CNTNAP5: variants seen among roughly 807,000 people sequenced by gnomAD.
CNTNAP5 encodes contactin-associated protein-like 5.
In CNTNAP5, 72 loss-of-function variants were observed where a neutral mutation model predicts 150.2. That is an observed-to-expected ratio of 0.48 (90% confidence interval 0.40 to 0.58). The LOEUF (loss-of-function observed/expected upper bound fraction) is 0.58, where lower values mean the gene tolerates loss of function less well. CNTNAP5 is among the 20% of genes least tolerant of loss of function. The pLI, the probability that CNTNAP5 is intolerant of heterozygous loss-of-function variation, is 0.00. For missense variants in CNTNAP5, 1,636 were observed against 1,626.2 expected, an observed-to-expected ratio of 1.01 and a Z score of -0.10; for synonymous variants, 672 against 619.8, an observed-to-expected ratio of 1.08 and a Z score of -1.25.
chr2:124,736,740 T>G (rs1680390434), intron 13 of CNTNAP5, among the ~76,000 whole-genome samples: 1 of 152,228 alleles, frequency 6.6e-6, no homozygotes, highest in African/African-American at 2.4e-5. Flanking sequence ...CATAATCATA[T>G]ATATTTCTGC....
chr2:124,462,177 G>C (rs1341922225), intron 6 of CNTNAP5, among the ~76,000 whole-genome samples: 4 of 152,002 alleles, frequency 2.6e-5, no homozygotes, highest in African/African-American at 4.8e-5. Context: ...GCCCAGGTCT[G>C]TGTGACCATT....
chr2:124,433,185 G>A (rs1028089030), intron 4 of CNTNAP5, among the ~76,000 whole-genome samples: 2 of 152,164 alleles, frequency 1.3e-5, no homozygotes, highest in Admixed American at 1.3e-4. Context: ...TTTGGTCTGG[G>A]TGGAATCCTA....
intron 3 of CNTNAP5, among the ~76,000 whole-genome samples, chr2:124,276,181 C>T (rs888520095): frequency 1.3e-5 from 2 of 152,048 alleles, no homozygotes; most frequent in Admixed American, 1.3e-4. Context: ...AGATTTTCCC[C>T]ATGAACTTAG....
At position 124,917,244 on chromosome 2, in the gene CNTNAP5, G is replaced by T. The variant is rs1378560666; in HGVS notation, c.*2956G>T. On this transcript the variant is annotated 3_prime_UTR_variant, in exon 24 of 24. Coordinates refer to ENST00000682447, the MANE Select transcript of CNTNAP5 (RefSeq NM_001367498.1). Reference sequence around the variant, plus strand: ...ACTGCTGTTTACAAAAAGATCTTATGGAATATGGATCACTTTACAGTAAAG... The same window carrying T: ...ACTGCTGTTTACAAAAAGATCTTATTGAATATGGATCACTTTACAGTAAAG... Among the ~76,000 whole-genome samples the T allele has an allele frequency of 6.6e-6, 1 of 151,850 alleles. No individual in the cohort carries two copies. Among genetic ancestry groups the T allele is most frequent in the Non-Finnish European group, 1.5e-5 (1 of 67,954 alleles).
chr2:124,106,754 C>CAT (rs2104701784), intron 1 of CNTNAP5, among the ~76,000 whole-genome samples: 1 of 152,264 alleles, frequency 6.6e-6, no homozygotes, highest in South Asian at 2.1e-4. Flanking sequence ...TGGAAACCCC[C>CAT]ATATATATAG....
rs561060080 is a variant in CNTNAP5, at chr2:124,560,059, A to G, written c.1650-3158A>G. On this transcript the variant is annotated intron_variant, in intron 10 of 23. Coordinates refer to ENST00000682447, the MANE Select transcript of CNTNAP5 (RefSeq NM_001367498.1). ...AAGTTAATAAAGATGTAGTTTCTACATTTTTATGGTAAATTGAGTTTATCA... is the reference window on the plus strand; with the variant it reads ...AAGTTAATAAAGATGTAGTTTCTACGTTTTTATGGTAAATTGAGTTTATCA... Among the ~76,000 whole-genome samples the G allele has an allele frequency of 6.9e-4, 105 of 152,298 alleles. 1 individual carries two copies. The South Asian group carries it at 9.5e-3, about 14-fold the overall frequency.
intron 1 of CNTNAP5, among the ~76,000 whole-genome samples, chr2:124,088,660 C>G (rs1682750325): frequency 6.6e-6 from 1 of 151,894 alleles, no homozygotes; most frequent in East Asian, 1.9e-4. Flanking sequence ...TCCAAGCATT[C>G]TATTCAGTCT....
At chr2:124,105,709 G>A (rs1386878045) in intron 1 of CNTNAP5, among the ~76,000 whole-genome samples, 4 of 151,832 alleles carry the variant, frequency 2.6e-5, no homozygotes, top group African/African-American at 9.7e-5. Flanking sequence ...TTAACATATT[G>A]TGGTAGTTTT....
chr2:124,034,526 A>G (rs771485519), intron 1 of CNTNAP5, among the ~76,000 whole-genome samples: 1 of 152,178 alleles, frequency 6.6e-6, no homozygotes, highest in Non-Finnish European at 1.5e-5. Flanking sequence ...TGGATCCCTC[A>G]CTTAGTTCCT....
intron 1 of CNTNAP5, among the ~76,000 whole-genome samples, chr2:124,205,600 G>A (rs576099280): frequency 9.1e-4 from 138 of 152,054 alleles, no homozygotes; most frequent in Non-Finnish European, 1.5e-3. Flanking sequence ...TGTATTTTTA[G>A]TAGAGATGGG....
At position 124,510,477 on chromosome 2, in the gene CNTNAP5, G is replaced by GTATATATATA. The variant is rs70996072; in HGVS notation, c.1327+5954_1327+5963dup. 2.5e-4 allele frequency among the ~76,000 whole-genome samples: 26 copies of GTATATATATA among 102,558 alleles called. 1 individual carries two copies. The highest frequency in any genetic ancestry group is 7.6e-4 in the South Asian group (2 of 2,634). 67.3% of individuals were successfully genotyped at this position (102,558 alleles called of 152,430 possible). ...ACAAAAAAGTAAATTTTATGTATGT[G>GTATATATATA]TATATATATATATATATATATATAT... On this transcript the variant is annotated intron_variant, in intron 8 of 23. Coordinates refer to ENST00000682447, the MANE Select transcript of CNTNAP5 (RefSeq NM_001367498.1).
chr2:124,162,853 C>T (rs1684718527), intron 1 of CNTNAP5, among the ~76,000 whole-genome samples: 1 of 151,992 alleles, frequency 6.6e-6, no homozygotes, highest in Admixed American at 6.6e-5. Context: ...TTTATGCATG[C>T]CACCATGATT....
chr2:124,276,452 A>C (rs1687885290), intron 3 of CNTNAP5, among the ~76,000 whole-genome samples: 1 of 152,194 alleles, frequency 6.6e-6, no homozygotes. Flanking sequence ...GCATTTTTAC[A>C]ACTATGTCCC....
At chr2:124,281,206 C>A (rs2104623154) in intron 3 of CNTNAP5, among the ~76,000 whole-genome samples, 1 of 152,098 alleles carries the variant, frequency 6.6e-6, no homozygotes, top group Middle Eastern at 3.4e-3. Flanking sequence ...AGAATAAATA[C>A]AAAGGAAAAA....
intron 19 of CNTNAP5, among the ~76,000 whole-genome samples, chr2:124,847,768 CGAG>C (rs948918903): frequency 6.6e-5 from 10 of 152,204 alleles, no homozygotes; most frequent in African/African-American, 2.4e-4. Context: ...TCTTAATTCT[CGAG>C]AATATTCTCT....
At chr2:124,848,130 C>A (rs1001574078) in intron 19 of CNTNAP5, among the ~76,000 whole-genome samples, 5 of 152,114 alleles carry the variant, frequency 3.3e-5, no homozygotes, top group Non-Finnish European at 7.3e-5. Flanking sequence ...CATTAGATTG[C>A]CTGAACTTGT....
intron 13 of CNTNAP5, among the ~76,000 whole-genome samples, chr2:124,670,382 T>C (rs919381437): frequency 3.3e-5 from 5 of 152,110 alleles, no homozygotes; most frequent in African/African-American, 1.2e-4. Flanking sequence ...TGTGGAAAAA[T>C]GTCTACTCAG....
chr2:124,355,582 T>C (rs1263540051), intron 3 of CNTNAP5, among the ~76,000 whole-genome samples: 4 of 152,170 alleles, frequency 2.6e-5, no homozygotes, highest in Admixed American at 6.5e-5. Flanking sequence ...GTGACTTTCC[T>C]TTACTTCATT....
intron 3 of CNTNAP5, among the ~76,000 whole-genome samples, chr2:124,392,316 T>C (rs1691135327): frequency 6.6e-6 from 1 of 152,122 alleles, no homozygotes; most frequent in Non-Finnish European, 1.5e-5. Flanking sequence ...CCCATGATGA[T>C]GGAAAGAAAT....
Sources: allele counts gnomAD v4.1 joint callset (sites outside exome capture counted in the v4.1 genomes callset), GRCh38; gene constraint gnomAD v4.1.1; transcripts MANE v1.5; gene names NCBI Gene and HGNC (gene_info 2026-07-23, HGNC 2026-07-21).